RPS6KC1: variants seen among roughly 807,000 people sequenced by gnomAD.
The protein encoded by RPS6KC1 is inactive ribosomal protein S6 kinase delta-1.
In RPS6KC1, 54 loss-of-function variants were observed where a neutral mutation model predicts 103.8. The ratio of observed to expected loss-of-function variants is 0.52; its 90% CI spans 0.42 to 0.65. The LOEUF is 0.65. Ranked by LOEUF, RPS6KC1 falls within the 30% of genes least tolerant of loss-of-function variation. The probability of loss-of-function intolerance (pLI) is 0.00; values close to 1 mark genes in which losing one functional copy is unlikely to be tolerated. For synonymous variants in RPS6KC1, 439 were observed against 438.7 expected (o/e 1.00, Z -0.01); for missense variants, 1,151 against 1,253.8 (o/e 0.92, Z 1.24).
At chr1:213,767,571 A>C in the RPS6KC1 span, among the ~76,000 whole-genome samples, 1 of 151,732 alleles carries the variant, frequency 6.6e-6, no homozygotes, top group African/African-American at 2.4e-5. Flanking sequence ...TCTCTCTGTC[A>C]GTCGCTGGCC....
the RPS6KC1 span, among the ~76,000 whole-genome samples, chr1:213,485,364 T>C: frequency 1.3e-5 from 2 of 152,096 alleles, no homozygotes; most frequent in Non-Finnish European, 2.9e-5. Context: ...GTGGCACTTC[T>C]GCTTGCCCTG....
At chr1:213,173,090 A>AT (rs1184998170) in intron 7 of RPS6KC1, among the ~76,000 whole-genome samples, 2 of 152,176 alleles carry the variant, frequency 1.3e-5, no homozygotes, top group East Asian at 3.8e-4. Flanking sequence ...TAAAAAAAAA[A>AT]GTTGGACTTG....
the RPS6KC1 span, among the ~76,000 whole-genome samples, chr1:213,685,638 A>T: frequency 1.1e-3 from 163 of 152,092 alleles, no homozygotes; most frequent in African/African-American, 3.6e-3. Context: ...TCAAAAAAAA[A>T]AAAAAAAGAT....
intron 8 of RPS6KC1, among the ~76,000 whole-genome samples, chr1:213,194,159 T>C (rs2092852678): frequency 6.6e-6 from 1 of 152,234 alleles, no homozygotes; most frequent in Non-Finnish European, 1.5e-5. Context: ...TCCATTGGCA[T>C]GGAGTATCTT....
chr1:213,304,038 T>C, the RPS6KC1 span, among the ~76,000 whole-genome samples: 2 of 150,868 alleles, frequency 1.3e-5, no homozygotes, highest in East Asian at 3.9e-4. Context: ...ACCCCGTCTC[T>C]ACTAAAAATA....
At chr1:213,744,371 GAAAC>G in the RPS6KC1 span, among the ~76,000 whole-genome samples, 11 of 152,238 alleles carry the variant, frequency 7.2e-5, no homozygotes, top group East Asian at 1.9e-3. Context: ...GCATCTTAGG[GAAAC>G]AAACAAAACA....
At chr1:213,283,955 GAATC>G in the RPS6KC1 span, among the ~76,000 whole-genome samples, 7 of 151,858 alleles carry the variant, frequency 4.6e-5, no homozygotes, top group African/African-American at 1.7e-4. Context: ...CAACAGAAAA[GAATC>G]AACATTAAGT....
the RPS6KC1 span, among the ~76,000 whole-genome samples, chr1:213,728,940 TTTTTTTTG>T: frequency 0.01 from 1,004 of 96,326 alleles, 25 homozygotes; most frequent in African/African-American, 0.02. Context: ...CATGAGGGTT[TTTTTTTTG>T]TTTTTTTTTT....
chr1:213,345,144 A>G, the RPS6KC1 span, among the ~76,000 whole-genome samples: 1 of 152,192 alleles, frequency 6.6e-6, no homozygotes, highest in Non-Finnish European at 1.5e-5. Flanking sequence ...CAGTTTATTT[A>G]CTCAAGAATA....
At chr1:213,094,030 T>A (rs2081228804) in intron 3 of RPS6KC1, among the ~76,000 whole-genome samples, 1 of 152,114 alleles carries the variant, frequency 6.6e-6, no homozygotes, top group Non-Finnish European at 1.5e-5. Flanking sequence ...GTATAGCACT[T>A]AACTCATGTA....
At chr1:213,839,880 C>A in the RPS6KC1 span, 1 of 152,136 alleles carries the variant, frequency 6.6e-6, no homozygotes, top group Non-Finnish European at 1.5e-5. Context: ...AAGCCTAGAA[C>A]AGTTCCTGGA....
At chr1:213,575,205 A>C in the RPS6KC1 span, among the ~76,000 whole-genome samples, 1 of 152,164 alleles carries the variant, frequency 6.6e-6, no homozygotes. Context: ...GTATATATAT[A>C]TATATTTAAT....
intron 1 of RPS6KC1, among the ~76,000 whole-genome samples, chr1:213,054,804 T>C (rs546305840): frequency 3.5e-4 from 53 of 152,316 alleles, no homozygotes; most frequent in African/African-American, 1.2e-3. Flanking sequence ...TATTTCTTAA[T>C]TTTTATGTAG....
chr1:213,602,101 T>TC, the RPS6KC1 span, among the ~76,000 whole-genome samples: 2 of 24,570 alleles, frequency 8.1e-5, 1 homozygote, highest in African/African-American at 3.6e-4. Context: ...TCTTTCTTTC[T>TC]TTCTTTCTTT....
At chr1:213,252,030 G>T (rs1048212802) in intron 12 of RPS6KC1, among the ~76,000 whole-genome samples, 1 of 152,218 alleles carries the variant, frequency 6.6e-6, no homozygotes, top group Non-Finnish European at 1.5e-5. Flanking sequence ...ATGCTTAGCT[G>T]TCCCCCTTCC....
the RPS6KC1 span, among the ~76,000 whole-genome samples, chr1:213,512,220 C>G: frequency 6.6e-6 from 1 of 152,186 alleles, no homozygotes; most frequent in Non-Finnish European, 1.5e-5. Flanking sequence ...TTCCTTGTGT[C>G]TTTGGAAATA....
chr1:213,167,551 G>A lies in RPS6KC1; in HGVS notation c.836-307G>A, dbSNP rs1431888714. The stretch of plus-strand genomic sequence containing the variant: ...TTAGTTGTATAATGTCTGGACTAGG[G>A]CTAGTCTTTTTGTCTTCAGAGCTTT... On this transcript the variant is annotated intron_variant, in intron 6 of 14. Transcript: ENST00000366960. Among the ~76,000 whole-genome samples the A allele has an allele frequency of 2.0e-5, 3 of 151,326 alleles. No individual in the cohort carries two copies. In the East Asian group the frequency reaches 5.8e-4, roughly 29 times the overall value.
At chr1:213,511,758 T>C in the RPS6KC1 span, among the ~76,000 whole-genome samples, 2 of 152,216 alleles carry the variant, frequency 1.3e-5, no homozygotes, top group African/African-American at 4.8e-5. Flanking sequence ...TTTGTTTAAA[T>C]GTCACCTTCT....
the RPS6KC1 span, among the ~76,000 whole-genome samples, chr1:213,415,858 T>C: frequency 6.6e-6 from 1 of 152,136 alleles, no homozygotes; most frequent in Non-Finnish European, 1.5e-5. Flanking sequence ...TTCAGACCGG[T>C]TAAATTGCTG....
Sources: gnomAD v4.1 joint callset for allele counts (sites outside exome capture counted in the v4.1 genomes callset) on GRCh38, gnomAD v4.1.1 for gene constraint, MANE v1.5 for transcripts, NCBI Gene and HGNC (gene_info 2026-07-23, HGNC 2026-07-21) for gene names.